Variants in ITSN2 observed in about 807,000 individuals in gnomAD.
ITSN2 encodes intersectin-2.
ITSN2 carries 156 observed loss-of-function variants against 243.7 expected under a neutral mutation model. That is an observed-to-expected ratio of 0.64 (90% confidence interval 0.56 to 0.73). ITSN2 has a LOEUF of 0.73. Ranked by LOEUF, ITSN2 falls within the 30% of genes least tolerant of loss-of-function variation. The pLI, the probability that ITSN2 is intolerant of heterozygous loss-of-function variation, is 0.00. For missense variants in ITSN2, 1,801 were observed against 1,996.1 expected (o/e 0.90, Z 1.86); for synonymous variants, 703 against 699.9 (o/e 1.00, Z -0.07).
rs1473658880 is a variant in ITSN2 at position 24,205,282 on chromosome 2, G to A, written c.4694C>T (p.Thr1565Ile). The A allele has an allele frequency of 1.9e-6, 3 of 1,613,926 alleles. No individual in the cohort carries two copies. The highest frequency in any genetic ancestry group is 2.5e-6 in the Non-Finnish European group (3 of 1,179,804). ...CACCATCAGGCGCCCAATGCCTGAAGTCTTTTGGGAGCGGGCTACAAAAGA... is the reference window on the plus strand; with the variant it reads ...CACCATCAGGCGCCCAATGCCTGAAATCTTTTGGGAGCGGGCTACAAAAGA... ...EKAYQARSQKTSGIGRLMVHV... is the reference protein window; with the variant it reads ...EKAYQARSQKISGIGRLMVHV... The change falls in exon 38 of 40, where the codon ACT (threonine) becomes ATT (isoleucine). Residue 1565 changes from threonine to isoleucine, a missense_variant. Thr to Ile is a moderately conservative substitution (Grantham distance 89). This residue lies in a region of ITSN2 where 928 missense variants were observed against 1,065.4 expected (regional missense o/e 0.87). Coordinates refer to ENST00000355123, the MANE Select transcript of ITSN2 (RefSeq NM_006277.3).
chr2:24,209,898 C>T lies in ITSN2; in HGVS notation c.4393G>A (p.Val1465Ile). The T allele has an allele frequency of 6.2e-7, 1 of 1,614,160 alleles. No individual in the cohort carries two copies. The highest frequency in any genetic ancestry group is 8.5e-7 in the Non-Finnish European group (1 of 1,180,012). Reference sequence around the variant, plus strand: ...CCAGAGGAAACAGCAAACTGCTTGACCATGTAGGTAAGAAGCAGGAAGTCA... The same window carrying T: ...CCAGAGGAAACAGCAAACTGCTTGATCATGTAGGTAAGAAGCAGGAAGTCA... ...FNDFLLLTYM[V>I]KQFAVSSGSE... The change falls in exon 35 of 40, where the codon GTC (valine) becomes ATC (isoleucine). Residue 1465 changes from valine (V) to isoleucine (I), a missense_variant. Transcript: ENST00000355123.
intron 15 of ITSN2, among the ~76,000 whole-genome samples, chr2:24,290,051 C>CGTTCT (rs1407092580): frequency 6.6e-6 from 1 of 152,032 alleles, no homozygotes; most frequent in African/African-American, 2.4e-5. Context: ...GTCAAATACT[C>CGTTCT]GTTCTGTTAT....
intron 1 of ITSN2, among the ~76,000 whole-genome samples, chr2:24,349,624 T>G (rs958377679): frequency 6.6e-6 from 1 of 152,138 alleles, no homozygotes; most frequent in Non-Finnish European, 1.5e-5. Context: ...TGTAATCCAC[T>G]CATTCCCAAA....
rs1191867860 is a variant in ITSN2 at position 24,267,038 on chromosome 2, C to T, written c.2355+3633G>A. 2.0e-5 allele frequency among the ~76,000 whole-genome samples: 3 copies of T among 152,266 alleles called. No individual in the cohort carries two copies. In the East Asian group the frequency reaches 5.8e-4, roughly 29 times the overall value. ...AGGAATTACACAAACCAAAGTATTTCAATGCTGCAAAATGCTCAGCATTGT... is the reference window on the plus strand; with the variant it reads ...AGGAATTACACAAACCAAAGTATTTTAATGCTGCAAAATGCTCAGCATTGT... On this transcript the variant is annotated intron_variant, in intron 20 of 39. Transcript: ENST00000355123.
chr2:24,300,062 G>A lies in ITSN2; in HGVS notation c.1191C>T (p.Ala397=). 1 of 1,613,592 alleles carries A rather than the reference G, an allele frequency of 6.2e-7. No individual in the cohort carries two copies. The highest frequency in any genetic ancestry group is 8.5e-7 in the Non-Finnish European group (1 of 1,179,954). ...EQQQREAERK[A]QKEKEEWERK... is the part of the protein sequence containing the mutation. ...GTTCCCACTCTTCCTTTTCTTTCTGGGCTTTACGTTCTGCCTCCCTTTGTT... is the reference window on the plus strand; with the variant it reads ...GTTCCCACTCTTCCTTTTCTTTCTGAGCTTTACGTTCTGCCTCCCTTTGTT... Residue 397 remains alanine (A), a synonymous_variant, in exon 12 of 40, where the codon GCC becomes GCT. Transcript: ENST00000355123.
chr2:24,247,604 T>C (rs958147802), intron 27 of ITSN2, among the ~76,000 whole-genome samples: 34 of 152,178 alleles, frequency 2.2e-4, no homozygotes, highest in Non-Finnish European at 8.8e-5. Context: ...ATTAAACAAC[T>C]GGAAGACACA....
intron 14 of ITSN2, among the ~76,000 whole-genome samples, 175 bp downstream of exon 14, chr2:24,295,489 A>C (rs1185272596): frequency 6.6e-6 from 1 of 152,024 alleles, no homozygotes; most frequent in Admixed American, 6.6e-5. Flanking sequence ...TTGTATTTTT[A>C]GTAGAGACGG....
intron 24 of ITSN2, 102 bp downstream of exon 24, chr2:24,254,265 G>A: frequency 2.6e-6 from 2 of 776,166 alleles, no homozygotes; most frequent in Non-Finnish European, 4.6e-6. Flanking sequence ...CAGAAATGGG[G>A]AGAATATGCA....
intron 8 of ITSN2, among the ~76,000 whole-genome samples, chr2:24,305,576 C>CAA (rs537945691): frequency 0.055 from 2,197 of 40,166 alleles, 96 homozygotes; most frequent in Non-Finnish European, 0.088. Flanking sequence ...GACTCTGTCT[C>CAA]AAAAAAAAAA....
intron 1 of ITSN2, among the ~76,000 whole-genome samples, chr2:24,346,131 A>G (rs1175194939): frequency 6.6e-6 from 1 of 152,204 alleles, no homozygotes; most frequent in Non-Finnish European, 1.5e-5. Flanking sequence ...ATGGAAAGGC[A>G]GAAGGCTACG....
Position 24,209,984 on chromosome 2 carries a change from A to G in ITSN2, c.4307T>C (p.Leu1436Ser). The change falls in exon 35 of 40, where the codon TTA becomes TCA. Residue 1436 changes from leucine to serine, a missense_variant. Leu to Ser is a moderately radical substitution (Grantham distance 145). Around this residue, in one of 5 missense-constraint regions of ITSN2, gnomAD observed 928 missense variants for 1,065.4 expected, o/e 0.87. Transcript: ENST00000355123. ...LTNCLGPRKL[L>S]HSGKLYKTKS... Reference sequence around the variant, plus strand: ...GGTCTTGTATAATTTCCCACTGTGTAAGAGCTTCCGGGGCCCCAGGCAGTT... The same window carrying G: ...GGTCTTGTATAATTTCCCACTGTGTGAGAGCTTCCGGGGCCCCAGGCAGTT... 1 of 1,614,160 alleles carries G rather than the reference A, an allele frequency of 6.2e-7. No homozygotes were observed. The highest frequency in any genetic ancestry group is 1.7e-5 in the Admixed American group (1 of 60,024).
chr2:24,306,606 G>T (rs1682569428), intron 8 of ITSN2, among the ~76,000 whole-genome samples: 1 of 152,116 alleles, frequency 6.6e-6, no homozygotes, highest in Non-Finnish European at 1.5e-5. Context: ...TCCTGTCGAT[G>T]AACATTTAGG....
chr2:24,242,329 T>C (rs959868981), intron 29 of ITSN2: 1 of 152,438 alleles, frequency 6.6e-6, no homozygotes, highest in Admixed American at 6.6e-5. Context: ...TTCTCTATCT[T>C]AAAAAAAGTT....
intron 13 of ITSN2, among the ~76,000 whole-genome samples, 195 bp from the exon 14 acceptor site, chr2:24,295,999 T>A (rs1162741035): frequency 6.6e-6 from 1 of 152,204 alleles, no homozygotes; most frequent in East Asian, 1.9e-4. Context: ...GGGAAACACA[T>A]CATTCTCAGA....
chr2:24,220,877 C>T, intron 30 of ITSN2, 68 bp downstream of exon 30: 1 of 1,521,344 alleles, frequency 6.6e-7, no homozygotes, highest in Non-Finnish European at 8.8e-7. Flanking sequence ...AGCCCTGAGT[C>T]TGATGCCCAC....
intron 29 of ITSN2, among the ~76,000 whole-genome samples, chr2:24,244,463 A>C (rs1244088546): frequency 6.6e-6 from 1 of 152,214 alleles, no homozygotes; most frequent in East Asian, 1.9e-4. Context: ...AAAGTGTTTC[A>C]AACCACAACA....
chr2:24,297,159 T>C (rs1393988563), intron 13 of ITSN2, among the ~76,000 whole-genome samples: 1 of 152,210 alleles, frequency 6.6e-6, no homozygotes, highest in East Asian at 1.9e-4. Context: ...TAAAATAATA[T>C]ATTTCTGACT....
rs758020245 is a variant in ITSN2, at chr2:24,312,368, A to C, written c.196T>G (p.Ser66Ala). 1.1e-5 allele frequency: 18 copies of C among 1,607,962 alleles called. No individual in the cohort carries two copies. The highest frequency in any genetic ancestry group is 1.4e-5 in the Non-Finnish European group (17 of 1,176,716). ...APVLAEIWAL[S>A]DLNKDGKMDQ... ...ATCTTCCCATCCTTGTTTAGGTCTG[A>C]TAAAGCCCTAAAAGGAGCATGAGGT... Residue 66 changes from serine to alanine, a missense_variant, in exon 5 of 40, where the codon TCA becomes GCA. Physicochemically the swap from Ser to Ala is moderately conservative, Grantham distance 99 (BLOSUM62 1). Transcript: ENST00000355123.
At chr2:24,213,708 T>C (rs1669708303) in intron 32 of ITSN2, among the ~76,000 whole-genome samples, 2 of 152,234 alleles carry the variant, frequency 1.3e-5, no homozygotes, top group African/African-American at 2.4e-5. Flanking sequence ...TGAAATCCTA[T>C]TTACATCATT....
Sources: gnomAD v4.1 joint callset for allele counts (sites outside exome capture counted in the v4.1 genomes callset) on GRCh38, gnomAD v4.1.1 for gene constraint, gnomAD v4.1.1 regional missense constraint, MANE v1.5 for transcripts, NCBI Gene and HGNC (gene_info 2026-07-23, HGNC 2026-07-21) for gene names.